SFMBT2: variants seen among roughly 807,000 people sequenced by gnomAD.
SFMBT2 encodes the protein Scm like with four mbt domains 2, also known as scm-like with four MBT domains protein 2.
In SFMBT2, 38 loss-of-function variants were observed where a neutral mutation model predicts 110.1. The ratio of observed to expected loss-of-function variants is 0.35; its 90% CI spans 0.27 to 0.45. The LOEUF (loss-of-function observed/expected upper bound fraction) is 0.45. Among genes scored for constraint, SFMBT2 ranks in the 20% least tolerant of loss-of-function variants. The probability of loss-of-function intolerance (pLI) is 1.00; values close to 1 mark genes in which losing one functional copy is unlikely to be tolerated. For synonymous variants in SFMBT2, 425 were observed against 425.4 expected (o/e 1.00, Z 0.01); for missense variants, 1,011 against 1,094.9 (o/e 0.92, Z 1.08).
At chr10:7,262,376 CA>C (rs1438010094) in intron 7 of SFMBT2, among the ~76,000 whole-genome samples, 3 of 151,744 alleles carry the variant, frequency 2.0e-5, no homozygotes, top group Non-Finnish European at 4.4e-5. Context: ...GAAAATGGCC[CA>C]AAAAATAAAA....
Position 7,208,013 on chromosome 10 carries a change from G to A in SFMBT2, c.1331-2085C>T, listed in dbSNP as rs1839206613. On this transcript the variant is annotated intron_variant, in intron 11 of 20. Transcript: ENST00000397167. ...AAAGGAATGCTAGAAGGTTCACAGGGCTTATTTTTGAACAAGGTTAAATAA... is the reference window on the plus strand; with the variant it reads ...AAAGGAATGCTAGAAGGTTCACAGGACTTATTTTTGAACAAGGTTAAATAA... Among the ~76,000 whole-genome samples, 3 of 152,124 alleles carry A rather than the reference G, an allele frequency of 2.0e-5. No homozygotes were observed. The South Asian group carries it at 6.2e-4, about 32-fold the overall frequency.
chr10:7,348,334 C>A, intron 4 of SFMBT2: 1 of 1,524,694 alleles, frequency 6.6e-7, no homozygotes. Flanking sequence ...TCACTCTCTA[C>A]TACAAAAAAA....
chr10:7,308,267 T>C (rs1588435881), intron 4 of SFMBT2, among the ~76,000 whole-genome samples: 2 of 152,038 alleles, frequency 1.3e-5, no homozygotes, highest in East Asian at 1.9e-4. Flanking sequence ...GCTGATGCCA[T>C]AGGATCATTT....
intron 2 of SFMBT2, among the ~76,000 whole-genome samples, chr10:7,373,248 C>A (rs1400220121): frequency 6.6e-6 from 1 of 152,186 alleles, no homozygotes; most frequent in East Asian, 1.9e-4. Context: ...CATGTGATCT[C>A]TCTGCACACA....
rs189091447 is a variant in SFMBT2, at chr10:7,342,430, A to G, written c.436+25219T>C. The stretch of plus-strand genomic sequence containing the variant: ...TTTTTTTTTTTTTTTTTTTTTTGAG[A>G]CAGAGTCTCGCTCTGTCGCCCAGGC... On this transcript the variant is annotated intron_variant, in intron 4 of 20. Transcript: ENST00000397167. Among the ~76,000 whole-genome samples, 602 of 77,680 alleles carry G rather than the reference A, an allele frequency of 7.7e-3. 6 individuals are homozygous for G. The highest frequency in any genetic ancestry group is 0.033 in the Middle Eastern group (3 of 90). The allele number at this position is 77,680 out of a possible 152,430, so 51.0% of individuals were successfully genotyped here.
At chr10:7,308,698 C>A (rs77960791) in intron 4 of SFMBT2, among the ~76,000 whole-genome samples, 2,927 of 152,230 alleles carry the variant, frequency 0.019, 87 homozygotes, top group African/African-American at 0.066. Context: ...TGGTGATCAG[C>A]GGCTATTACT....
At chr10:7,357,374 G>A (rs1319753499) in intron 4 of SFMBT2, among the ~76,000 whole-genome samples, 1 of 152,172 alleles carries the variant, frequency 6.6e-6, no homozygotes, top group Admixed American at 6.5e-5. Flanking sequence ...CCTCTTGCTT[G>A]TGGGTGGGCC....
chr10:7,317,668 A>C (rs964034114), intron 4 of SFMBT2, among the ~76,000 whole-genome samples: 2 of 148,380 alleles, frequency 1.3e-5, no homozygotes, highest in Admixed American at 6.8e-5. Flanking sequence ...AGTACACATC[A>C]GCAATATCAT....
rs112444609 is a variant in SFMBT2 at position 7,326,026 on chromosome 10, A to C, written c.437-40072T>G. Among the ~76,000 whole-genome samples, 49 of 152,372 alleles carry C rather than the reference A, an allele frequency of 3.2e-4. 2 individuals carry two copies. Among genetic ancestry groups the C allele is most frequent in the African/African-American group, 1.1e-3 (47 of 41,594 alleles). On this transcript the variant is annotated intron_variant, in intron 4 of 20. Transcript: ENST00000397167. ...AGAATAGTCATACGTAAAATTGTCCAGTATGCAACCAGAAAAAATAAATGT... is the reference window on the plus strand; with the variant it reads ...AGAATAGTCATACGTAAAATTGTCCCGTATGCAACCAGAAAAAATAAATGT...
chr10:7,341,926 C>G (rs889439673), intron 4 of SFMBT2, among the ~76,000 whole-genome samples: 1 of 152,098 alleles, frequency 6.6e-6, no homozygotes, highest in Non-Finnish European at 1.5e-5. Context: ...GGCATTTTGC[C>G]ATTCTTTTAG....
At chr10:7,277,010 A>C (rs761241449) in intron 6 of SFMBT2, 21 bp from the exon 7 acceptor site, 1 of 860,226 alleles carries the variant, frequency 1.2e-6, no homozygotes, top group South Asian at 1.3e-5. Context: ...AGCAAATCAC[A>C]GAAGAGTTGA....
At chr10:7,233,879 C>G (rs1469344432) in intron 9 of SFMBT2, among the ~76,000 whole-genome samples, 2 of 152,222 alleles carry the variant, frequency 1.3e-5, no homozygotes, top group African/African-American at 2.4e-5. Flanking sequence ...TTGCACAGAC[C>G]TCAGCTGGCA....
At chr10:7,315,060 GAA>G (rs1304514021) in intron 4 of SFMBT2, among the ~76,000 whole-genome samples, 1 of 137,446 alleles carries the variant, frequency 7.3e-6, no homozygotes, top group African/African-American at 2.7e-5. Flanking sequence ...AAGAAAGAAA[GAA>G]AGAAAGAAAG....
chr10:7,179,147 C>T (rs1838162966), intron 16 of SFMBT2, among the ~76,000 whole-genome samples: 1 of 151,842 alleles, frequency 6.6e-6, no homozygotes, highest in African/African-American at 2.4e-5. Flanking sequence ...TATCCCAGCC[C>T]CTGGGTGTTT....
intron 4 of SFMBT2, among the ~76,000 whole-genome samples, chr10:7,344,344 C>A (rs1332193427): frequency 6.6e-6 from 1 of 151,990 alleles, no homozygotes; most frequent in Non-Finnish European, 1.5e-5. Context: ...ATCATGGGGG[C>A]AGTTCTCCTC....
At chr10:7,251,111 A>C (rs983972441) in intron 7 of SFMBT2, among the ~76,000 whole-genome samples, 1 of 152,178 alleles carries the variant, frequency 6.6e-6, no homozygotes, top group African/African-American at 2.4e-5. Context: ...TGAATGTATT[A>C]ATCACATGTA....
intron 7 of SFMBT2, among the ~76,000 whole-genome samples, chr10:7,269,545 G>A (rs1841504869): frequency 6.6e-6 from 1 of 152,206 alleles, no homozygotes. Context: ...TCTCGTAACA[G>A]CTGAACGCTA....
chr10:7,402,072 T>C (rs1846096140), intron 1 of SFMBT2, among the ~76,000 whole-genome samples: 1 of 151,366 alleles, frequency 6.6e-6, no homozygotes, highest in Non-Finnish European at 1.5e-5. Context: ...TAGTTCTGTT[T>C]GGTACACAGG....
At chr10:7,237,015 G>A (rs1350647602) in intron 9 of SFMBT2, among the ~76,000 whole-genome samples, 2 of 152,206 alleles carry the variant, frequency 1.3e-5, no homozygotes, top group African/African-American at 4.8e-5. Flanking sequence ...ACTGAAACGA[G>A]GAGATCCACT....
Sources: allele counts gnomAD v4.1 joint callset (sites outside exome capture counted in the v4.1 genomes callset), GRCh38; gene constraint gnomAD v4.1.1; transcripts MANE v1.5; gene names NCBI Gene and HGNC (gene_info 2026-07-23, HGNC 2026-07-21).